The following WFS1 variants were observed in gnomAD, a reference collection of about 807,000 sequenced individuals.
WFS1 encodes the protein wolframin ER transmembrane glycoprotein, also known as wolframin.
Under a neutral mutation model 68.5 loss-of-function variants are expected in WFS1, and 90 were observed. That is an observed-to-expected ratio of 1.31 (90% CI 1.11 to 1.56). The LOEUF is 1.56. Ranked by LOEUF, WFS1 falls within the 40% of genes most tolerant of loss-of-function variation. The probability of loss-of-function intolerance (pLI) is 0.00; values close to 1 mark genes in which losing one functional copy is unlikely to be tolerated. For missense variants in WFS1, 1,767 were observed against 1,232.6 expected (o/e 1.43, Z -6.49); for synonymous variants, 860 against 540.7 (o/e 1.59, Z -8.19).
rs761429116 is a variant in WFS1 at position 6,301,951 on chromosome 4, C to T, written c.2156C>T (p.Ala719Val). The change falls in exon 8 of 8, where the codon GCC becomes GTC. Residue 719 changes from alanine to valine, a missense_variant. Physicochemically the swap from Ala to Val is moderately conservative, Grantham distance 64 (BLOSUM62 0). Transcript: ENST00000226760. ...VTDIDNSAES[A>V]INMLPFFIGD... The stretch of plus-strand genomic sequence containing the variant: ...GACATCGACAACAGCGCCGAGTCTG[C>T]CATCAACATGCTCCCGTTCTTCATC... 9 of 1,612,818 alleles carry T rather than the reference C, an allele frequency of 5.6e-6. No homozygotes were observed. The highest frequency in any genetic ancestry group is 4.5e-5 in the East Asian group (2 of 44,874).
chr4:6,275,109 G>A (rs565855744), intron 1 of WFS1, among the ~76,000 whole-genome samples: 2 of 152,292 alleles, frequency 1.3e-5, no homozygotes, highest in East Asian at 1.9e-4. Context: ...AGGGCCATAC[G>A]AGAAACTCAT....
At chr4:6,298,547 T>C (rs1406725292) in intron 7 of WFS1, among the ~76,000 whole-genome samples, 2 of 152,250 alleles carry the variant, frequency 1.3e-5, no homozygotes, top group African/African-American at 4.8e-5. Context: ...AGCAGAGCTG[T>C]TCCCCCACGT....
In WFS1 at chr4:6,291,031, G is replaced by GCA. The variant is rs56102017; in HGVS notation, c.461-166_461-165insCA. On this transcript the variant is annotated intron_variant, in intron 4 of 7. Coordinates refer to ENST00000226760, the MANE Select transcript of WFS1 (RefSeq NM_006005.3). Reference sequence around the variant, plus strand: ...CCCAGCTGGAGAGTGGGCGTGGCGCGATGTCCTCTTGAGTCAGATGTCCAT... The same window carrying GCA: ...CCCAGCTGGAGAGTGGGCGTGGCGCGCAATGTCCTCTTGAGTCAGATGTCCAT... Among the ~76,000 whole-genome samples the GCA allele has an allele frequency of 0.63, 95,003 of 151,672 alleles. 30,344 individuals carry two copies. Among genetic ancestry groups the GCA allele is most frequent in the East Asian group, 0.93 (4,774 of 5,108 alleles).
chr4:6,288,835 C>G, intron 3 of WFS1, 152 bp from the exon 4 acceptor site: 1 of 1,172,662 alleles, frequency 8.5e-7, no homozygotes, highest in Non-Finnish European at 1.2e-6. Flanking sequence ...TAGGGCCTAG[C>G]CTAGTGGACA....
intron 2 of WFS1, among the ~76,000 whole-genome samples, chr4:6,286,322 T>G (rs1355884785): frequency 6.6e-6 from 1 of 152,166 alleles, no homozygotes; most frequent in Non-Finnish European, 1.5e-5. Flanking sequence ...GTGGAATTAG[T>G]GCCCCTATAA....
Position 6,295,069 on chromosome 4 carries a change from T to G in WFS1, c.741T>G (p.Phe247Leu). 6.2e-7 allele frequency: 1 copy of G among 1,613,560 alleles called. No homozygotes were observed. The highest frequency in any genetic ancestry group is 2.2e-5 in the East Asian group (1 of 44,860). Residue 247 changes from phenylalanine to leucine, a missense_variant, in exon 7 of 8, where the codon TTT becomes TTG. Coordinates refer to ENST00000226760, the MANE Select transcript of WFS1 (RefSeq NM_006005.3). ...ESKNYIALDD[F>L]VEITKKYAKG... ...AGAACTACATCGCGCTGGATGACTT[T>G]GTGGAGATCACTAAGAAGTACGCCA...
rs886044044 is a variant in WFS1, at chr4:6,301,742, C to G, written c.1947C>G (p.Phe649Leu). 3.1e-6 allele frequency: 5 copies of G among 1,613,960 alleles called. No individual in the cohort carries two copies. Among genetic ancestry groups the G allele is most frequent in the Non-Finnish European group, 4.2e-6 (5 of 1,180,046 alleles). The change falls in exon 8 of 8, where the codon TTC becomes TTG. Residue 649 changes from phenylalanine to leucine, a missense_variant. Phe to Leu is a conservative substitution (Grantham distance 22). Coordinates refer to ENST00000226760, the MANE Select transcript of WFS1 (RefSeq NM_006005.3). ...CGGCCATCGTGCTGTTCTGCTGGTT[C>G]TATGTGTACCGCTCAGAGGGCATGA... ...WLTAIVLFCW[F>L]YVYRSEGMKV...
intron 2 of WFS1, among the ~76,000 whole-genome samples, chr4:6,284,361 G>C (rs571061666): frequency 6.6e-6 from 1 of 152,106 alleles, no homozygotes; most frequent in Non-Finnish European, 1.5e-5. Context: ...CGATGAGAGT[G>C]AAACTCTGTC....
intron 7 of WFS1, 41 bp from the exon 8 acceptor site, chr4:6,300,616 T>A (rs1251465041): frequency 1.2e-6 from 2 of 1,612,472 alleles, no homozygotes; most frequent in East Asian, 2.2e-5. Context: ...GCAGTGGGGG[T>A]CCTGTCCCAG....
intron 3 of WFS1, chr4:6,288,724 C>G: frequency 3.9e-6 from 2 of 516,362 alleles, no homozygotes; most frequent in South Asian, 4.0e-5. Context: ...GGAAGAGAAC[C>G]TGTACCAGTA....
chr4:6,281,417 GTGA>G (rs779410062), intron 2 of WFS1, among the ~76,000 whole-genome samples: 20 of 143,450 alleles, frequency 1.4e-4, no homozygotes, highest in Non-Finnish European at 2.7e-4. Flanking sequence ...GGGCATTGTC[GTGA>G]GTGGGGCTCA....
Position 6,291,023 on chromosome 4 carries a change from C to CAT in WFS1, c.461-174_461-173insAT, listed in dbSNP as rs778025118. Reference sequence around the variant, plus strand: ...TCTGGCCTCCCAGCTGGAGAGTGGGCGTGGCGCGATGTCCTCTTGAGTCAG... The same window carrying CAT: ...TCTGGCCTCCCAGCTGGAGAGTGGGCATGTGGCGCGATGTCCTCTTGAGTCAG... On this transcript the variant is annotated intron_variant, in intron 4 of 7. Coordinates refer to ENST00000226760, the MANE Select transcript of WFS1 (RefSeq NM_006005.3). Among the ~76,000 whole-genome samples, 305 of 111,302 alleles carry CAT rather than the reference C, an allele frequency of 2.7e-3. 1 individual carries two copies. Among genetic ancestry groups the CAT allele is most frequent in the South Asian group, 8.7e-3 (25 of 2,876 alleles). 73.0% of individuals were successfully genotyped at this position (111,302 alleles called of 152,430 possible).
intron 4 of WFS1, among the ~76,000 whole-genome samples, chr4:6,290,912 C>T (rs1407937448): frequency 2.0e-5 from 3 of 152,316 alleles, no homozygotes; most frequent in East Asian, 1.9e-4. Context: ...GGGTCTGCAC[C>T]TCTGAGAGAG....
At chr4:6,275,538 G>A (rs1430048035) in intron 1 of WFS1, among the ~76,000 whole-genome samples, 2 of 150,982 alleles carry the variant, frequency 1.3e-5, no homozygotes, top group African/African-American at 2.4e-5. Context: ...GCACCTGGGG[G>A]ATGCACCCGG....
At chr4:6,284,730 C>T (rs1045266189) in intron 2 of WFS1, among the ~76,000 whole-genome samples, 10 of 151,632 alleles carry the variant, frequency 6.6e-5, no homozygotes, top group African/African-American at 2.2e-4. Context: ...TCATCATAAA[C>T]CATCCTATCA....
Position 6,280,533 on chromosome 4 carries a change from AG to A in WFS1, c.232+2847del, listed in dbSNP as rs1455114610. ...CGGCTGTGCGAGTCCACGCCCTGGC[AG>A]AGAGCCTGTTCTGGGCCTGTTCTGT... On this transcript the variant is annotated intron_variant, in intron 2 of 7. Transcript: ENST00000226760. Among the ~76,000 whole-genome samples, 6 of 152,196 alleles carry A rather than the reference AG, an allele frequency of 3.9e-5. 1 individual carries two copies. Among genetic ancestry groups the A allele is most frequent in the African/African-American group, 1.4e-4 (6 of 41,442 alleles).
At chr4:6,294,826 G>A (rs1730579862) in intron 6 of WFS1, 1 of 656,192 alleles carries the variant, frequency 1.5e-6, no homozygotes, top group East Asian at 2.9e-5. Flanking sequence ...GGGGCCAGGA[G>A]TGGAGGCTGG....
At position 6,301,232 on chromosome 4, in the gene WFS1, C is replaced by G. The variant is rs141472336; in HGVS notation, c.1437C>G (p.Pro479=). ...TGCCCTCCATGCCCTTGAATTGGCCCTACCTGAAGGTCCTTGGCCAGACCT... is the reference window on the plus strand; with the variant it reads ...TGCCCTCCATGCCCTTGAATTGGCCGTACCTGAAGGTCCTTGGCCAGACCT... ...SLLPSMPLNW[P]YLKVLGQTFI... Residue 479 remains proline, a synonymous_variant, in exon 8 of 8, where the codon CCC becomes CCG. Coordinates refer to ENST00000226760, the MANE Select transcript of WFS1 (RefSeq NM_006005.3). 1.3e-5 allele frequency: 21 copies of G among 1,611,728 alleles called. No homozygotes were observed. The highest frequency in any genetic ancestry group is 1.1e-4 in the African/African-American group (8 of 74,952).
At chr4:6,298,945 T>C (rs573233703) in intron 7 of WFS1, among the ~76,000 whole-genome samples, 2 of 152,340 alleles carry the variant, frequency 1.3e-5, no homozygotes, top group East Asian at 3.9e-4. Flanking sequence ...ATGTGTCATG[T>C]AGCCCCTCAG....
Sources: allele counts gnomAD v4.1 joint callset (sites outside exome capture counted in the v4.1 genomes callset), GRCh38; gene constraint gnomAD v4.1.1; transcripts MANE v1.5; gene names NCBI Gene and HGNC (gene_info 2026-07-23, HGNC 2026-07-21).